The following HS3ST4 variants were observed in gnomAD, a reference collection of about 807,000 sequenced individuals.
The protein encoded by HS3ST4 is heparan sulfate glucosamine 3-O-sulfotransferase 4.
A neutral mutation model predicts 29.2 loss-of-function variants in HS3ST4; 17 were observed. The ratio of observed to expected loss-of-function variants is 0.58; its 90% CI spans 0.40 to 0.87. The LOEUF (loss-of-function observed/expected upper bound fraction) is 0.87. HS3ST4 is among the 40% of genes least tolerant of loss of function. The pLI is 0.00. For missense variants in HS3ST4, 627 were observed against 634.5 expected (o/e 0.99, Z 0.13); for synonymous variants, 314 against 285.7 (o/e 1.10, Z -1.00).
intron 1 of HS3ST4, among the ~76,000 whole-genome samples, chr16:25,941,815 A>G (rs1968575090): frequency 6.7e-6 from 1 of 149,622 alleles, no homozygotes; most frequent in African/African-American, 2.5e-5. Flanking sequence ...TGACCTTGTG[A>G]TCCTCCCACC....
chr16:25,724,479 T>G (rs1966518548), intron 1 of HS3ST4, among the ~76,000 whole-genome samples: 1 of 151,776 alleles, frequency 6.6e-6, no homozygotes, highest in Non-Finnish European at 1.5e-5. Context: ...TTCTCCTGCC[T>G]CAGTCTCCCG....
intron 1 of HS3ST4, among the ~76,000 whole-genome samples, chr16:25,826,732 A>G (rs1967220454): frequency 6.6e-6 from 1 of 152,154 alleles, no homozygotes; most frequent in African/African-American, 2.4e-5. Context: ...GTCAAGTTGG[A>G]GGGATAGGAG....
chr16:25,977,019 G>A (rs1031504286), intron 1 of HS3ST4, among the ~76,000 whole-genome samples: 2 of 152,074 alleles, frequency 1.3e-5, no homozygotes, highest in Non-Finnish European at 2.9e-5. Flanking sequence ...TTGGCCCATG[G>A]GCTACAGTTT....
chr16:26,026,856 G>A (rs938878903), intron 1 of HS3ST4, among the ~76,000 whole-genome samples: 4 of 152,170 alleles, frequency 2.6e-5, no homozygotes, highest in Non-Finnish European at 5.9e-5. Context: ...AGGAACTTCC[G>A]CTGTGTAGGG....
chr16:26,108,830 C>A (rs1285514618), intron 1 of HS3ST4, among the ~76,000 whole-genome samples: 1 of 152,116 alleles, frequency 6.6e-6, no homozygotes, highest in East Asian at 1.9e-4. Context: ...CCGGACTTAG[C>A]AGAGTGGCTG....
intron 1 of HS3ST4, among the ~76,000 whole-genome samples, chr16:25,882,453 A>G (rs528105925): frequency 6.6e-6 from 1 of 152,298 alleles, no homozygotes; most frequent in African/African-American, 2.4e-5. Context: ...GCTTCATGGC[A>G]GGCAGTTTCA....
At chr16:25,840,592 G>C (rs577432298) in intron 1 of HS3ST4, among the ~76,000 whole-genome samples, 49 of 152,220 alleles carry the variant, frequency 3.2e-4, no homozygotes, top group African/African-American at 1.0e-3. Flanking sequence ...CAGTTTCCTG[G>C]AATATAAAAG....
In HS3ST4 at chr16:25,744,643, T is replaced by G. The variant is rs904785582; in HGVS notation, c.734+51492T>G. ...CACTGCATTTACATTCTGATATGGT[T>G]TGGCTGTGTCCCCACCCAAATCTCA... On this transcript the variant is annotated intron_variant, in intron 1 of 1. Transcript: ENST00000331351. 1.2e-4 allele frequency among the ~76,000 whole-genome samples: 19 copies of G among 152,312 alleles called. 1 individual carries two copies. Among genetic ancestry groups the G allele is most frequent in the South Asian group, 1.0e-3 (5 of 4,824 alleles).
intron 1 of HS3ST4, among the ~76,000 whole-genome samples, chr16:25,713,394 G>A (rs1966430305): frequency 6.6e-6 from 1 of 152,012 alleles, no homozygotes; most frequent in Non-Finnish European, 1.5e-5. Flanking sequence ...TGGGTGTGGT[G>A]GTGTGTGCCT....
chr16:26,015,958 T>C (rs1969358691), intron 1 of HS3ST4, among the ~76,000 whole-genome samples: 1 of 152,148 alleles, frequency 6.6e-6, no homozygotes, highest in African/African-American at 2.4e-5. Context: ...GGTGTGCTAC[T>C]GAAATCTAGT....
chr16:26,048,478 A>G (rs1291667162), intron 1 of HS3ST4, among the ~76,000 whole-genome samples: 2 of 152,190 alleles, frequency 1.3e-5, no homozygotes, highest in Admixed American at 1.3e-4. Flanking sequence ...GTGTGGTTGT[A>G]TGTGTGACAC....
chr16:25,766,631 A>G (rs898538384), intron 1 of HS3ST4, among the ~76,000 whole-genome samples: 1 of 152,220 alleles, frequency 6.6e-6, no homozygotes, highest in African/African-American at 2.4e-5. Flanking sequence ...TATTTATTGA[A>G]TGTCTGTTAT....
At chr16:25,695,828 A>C (rs1966291714) in intron 1 of HS3ST4, among the ~76,000 whole-genome samples, 1 of 152,040 alleles carries the variant, frequency 6.6e-6, no homozygotes, top group South Asian at 2.1e-4. Context: ...ATTTATTGTT[A>C]TTTTGTTTAA....
chr16:25,956,284 T>C (rs1165971764), intron 1 of HS3ST4, among the ~76,000 whole-genome samples: 1 of 152,212 alleles, frequency 6.6e-6, no homozygotes, highest in East Asian at 1.9e-4. Context: ...CACCTTCTTT[T>C]CACTGCTGTC....
chr16:26,052,551 A>C (rs1307993451), intron 1 of HS3ST4, among the ~76,000 whole-genome samples: 1 of 152,026 alleles, frequency 6.6e-6, no homozygotes, highest in African/African-American at 2.4e-5. Flanking sequence ...TTGTGTTTTT[A>C]GTAAAGATGA....
chr16:25,957,622 T>G (rs1224806674), intron 1 of HS3ST4, among the ~76,000 whole-genome samples: 4 of 152,238 alleles, frequency 2.6e-5, no homozygotes, highest in African/African-American at 9.6e-5. Flanking sequence ...TTTCACCATG[T>G]TGGCCAGGCT....
chr16:25,893,504 A>C (rs1968030833), intron 1 of HS3ST4, among the ~76,000 whole-genome samples: 1 of 152,180 alleles, frequency 6.6e-6, no homozygotes, highest in Non-Finnish European at 1.5e-5. Context: ...ATGCAAATTC[A>C]TGGGCCAGAG....
At chr16:26,002,669 A>G (rs1969221805) in intron 1 of HS3ST4, among the ~76,000 whole-genome samples, 1 of 142,954 alleles carries the variant, frequency 7.0e-6, no homozygotes. Flanking sequence ...GAGAGAGGGA[A>G]AGAGAAAGAG....
At chr16:25,717,649 G>A (rs756656873) in intron 1 of HS3ST4, among the ~76,000 whole-genome samples, 1 of 151,946 alleles carries the variant, frequency 6.6e-6, no homozygotes, top group African/African-American at 2.4e-5. Context: ...GAGTGCTGGA[G>A]CTCTGGGAGA....
Sources: gnomAD v4.1 joint callset for allele counts (sites outside exome capture counted in the v4.1 genomes callset) on GRCh38, gnomAD v4.1.1 for gene constraint, MANE v1.5 for transcripts, NCBI Gene and HGNC (gene_info 2026-07-23, HGNC 2026-07-21) for gene names.